Variants in CA10 observed in about 807,000 individuals in gnomAD.
The protein encoded by CA10 is carbonic anhydrase-related protein 10.
In CA10, 14 loss-of-function variants were observed where a neutral mutation model predicts 44.2. That is an observed-to-expected ratio of 0.32 (90% CI 0.21 to 0.50). The LOEUF (loss-of-function observed/expected upper bound fraction) is 0.50, where lower values mean the gene tolerates loss of function less well. CA10 is among the 20% of genes least tolerant of loss of function. CA10 has a pLI of 0.99. For missense variants in CA10, 350 were observed against 409.7 expected (o/e 0.85, Z 1.26); for synonymous variants, 159 against 141.6 (o/e 1.12, Z -0.87).
chr17:51,869,989 C>T (rs1348099053), intron 3 of CA10, among the ~76,000 whole-genome samples: 3 of 152,128 alleles, frequency 2.0e-5, no homozygotes, highest in Admixed American at 6.5e-5. Context: ...AGTGCTTGTC[C>T]GAGTCATCAC....
At chr17:51,706,171 C>T (rs1010946158) in intron 4 of CA10, among the ~76,000 whole-genome samples, 14 of 152,090 alleles carry the variant, frequency 9.2e-5, no homozygotes, top group African/African-American at 1.4e-4. Flanking sequence ...GAAGAAGAAA[C>T]GGAGGATGTA....
intron 2 of CA10, among the ~76,000 whole-genome samples, chr17:51,935,060 C>G (rs1376840166): frequency 6.6e-6 from 1 of 152,064 alleles, no homozygotes; most frequent in African/African-American, 2.4e-5. Context: ...GAAACTTGCC[C>G]TGTGGGTTTG....
chr17:51,885,742 C>G (rs979640649), intron 3 of CA10, among the ~76,000 whole-genome samples: 5 of 152,216 alleles, frequency 3.3e-5, no homozygotes, highest in African/African-American at 9.6e-5. Context: ...CAATGCCTTC[C>G]TTATCTCTTC....
chr17:51,805,029 G>A (rs1774492962), intron 3 of CA10, among the ~76,000 whole-genome samples: 2 of 152,178 alleles, frequency 1.3e-5, no homozygotes, highest in South Asian at 2.1e-4. Context: ...CTGAGTCTGA[G>A]GTCTTTCCAC....
intron 2 of CA10, among the ~76,000 whole-genome samples, chr17:52,036,553 G>C (rs892044819): frequency 4.6e-5 from 7 of 152,090 alleles, no homozygotes; most frequent in African/African-American, 1.7e-4. Flanking sequence ...AAATAGGCAG[G>C]TGAGGGGAGG....
chr17:51,803,142 T>G (rs755885653), intron 3 of CA10, among the ~76,000 whole-genome samples: 6 of 152,220 alleles, frequency 3.9e-5, no homozygotes, highest in Non-Finnish European at 7.3e-5. Context: ...TGGATAGTTT[T>G]CAACTCTCTG....
At chr17:51,835,730 A>G (rs1908452622) in intron 3 of CA10, among the ~76,000 whole-genome samples, 2 of 152,210 alleles carry the variant, frequency 1.3e-5, no homozygotes, top group Admixed American at 6.5e-5. Flanking sequence ...TAAGTACTTT[A>G]TGTGTTTTAT....
chr17:51,731,157 T>A (rs1916700841), intron 4 of CA10, among the ~76,000 whole-genome samples: 7 of 152,078 alleles, frequency 4.6e-5, no homozygotes, highest in Admixed American at 4.6e-4. Flanking sequence ...GGTGGGTAGA[T>A]CATGAGGTCA....
At chr17:51,671,736 T>C (rs573730221) in intron 4 of CA10, among the ~76,000 whole-genome samples, 2 of 152,212 alleles carry the variant, frequency 1.3e-5, no homozygotes, top group Non-Finnish European at 2.9e-5. Flanking sequence ...GGTTTGTCTC[T>C]ACCAGGAATG....
At chr17:52,085,659 T>C (rs938206912) in intron 1 of CA10, among the ~76,000 whole-genome samples, 1 of 152,236 alleles carries the variant, frequency 6.6e-6, no homozygotes, top group Admixed American at 6.5e-5. Context: ...GCATTTATTA[T>C]ATACATTTAC....
chr17:51,709,837 C>T (rs1050491164), intron 4 of CA10, among the ~76,000 whole-genome samples: 4 of 152,150 alleles, frequency 2.6e-5, no homozygotes, highest in African/African-American at 9.7e-5. Context: ...CCACAGTACA[C>T]AGAAGTACAC....
intron 1 of CA10, among the ~76,000 whole-genome samples, chr17:52,076,786 T>C (rs1292956509): frequency 6.6e-6 from 1 of 152,190 alleles, no homozygotes; most frequent in Non-Finnish European, 1.5e-5. Flanking sequence ...CACCAGATCC[T>C]TGGTAGTCAT....
chr17:51,719,265 A>T (rs1410033803), intron 4 of CA10, among the ~76,000 whole-genome samples: 1 of 152,236 alleles, frequency 6.6e-6, no homozygotes, highest in African/African-American at 2.4e-5. Flanking sequence ...AAACTCCCAG[A>T]TGGCTCCTCC....
chr17:51,684,730 G>A (rs1914953812), intron 4 of CA10, among the ~76,000 whole-genome samples: 1 of 152,156 alleles, frequency 6.6e-6, no homozygotes, highest in Non-Finnish European at 1.5e-5. Flanking sequence ...TGTACATCCG[G>A]ATCCACCACC....
At chr17:51,676,852 C>T (rs986269325) in intron 4 of CA10, among the ~76,000 whole-genome samples, 14 of 152,110 alleles carry the variant, frequency 9.2e-5, no homozygotes, top group African/African-American at 3.4e-4. Flanking sequence ...CCAGGGTTAT[C>T]TTAGTAATCC....
chr17:52,107,415 G>C (rs182675173), intron 1 of CA10, among the ~76,000 whole-genome samples: 1 of 152,038 alleles, frequency 6.6e-6, no homozygotes, highest in Non-Finnish European at 1.5e-5. Flanking sequence ...CCCTTTAAAA[G>C]GTTATTTTTT....
chr17:52,005,302 C>T (rs1985560872), intron 2 of CA10, among the ~76,000 whole-genome samples: 2 of 151,910 alleles, frequency 1.3e-5, no homozygotes, highest in Non-Finnish European at 2.9e-5. Context: ...ACTGTTGTGA[C>T]ATTATTGTGA....
At position 51,959,282 on chromosome 17, in the gene CA10, CTGTGTGTGTGTG is replaced by C. The variant is rs71149386; in HGVS notation, c.137-28162_137-28151del. ...TTGTTCTCTCTCTCGCTCTCTCTCT[CTGTGTGTGTGTG>C]TGTGTGTGTGTGTGTGTGTGTGTGT... On this transcript the variant is annotated intron_variant, in intron 2 of 8. Transcript: ENST00000451037. 1.5e-3 allele frequency among the ~76,000 whole-genome samples: 198 copies of C among 134,450 alleles called. 3 individuals are homozygous for C. The highest frequency in any genetic ancestry group is 8.6e-3 in the South Asian group (33 of 3,838). The allele number at this position is 134,450 out of a possible 152,430, so 88.2% of individuals were successfully genotyped here.
chr17:51,914,653 G>T (rs1981922743), intron 3 of CA10, among the ~76,000 whole-genome samples: 1 of 152,176 alleles, frequency 6.6e-6, no homozygotes, highest in Non-Finnish European at 1.5e-5. Flanking sequence ...ATGGCAAAGA[G>T]AAGGAAATTG....
Sources: allele counts gnomAD v4.1 joint callset (sites outside exome capture counted in the v4.1 genomes callset), GRCh38; gene constraint gnomAD v4.1.1; transcripts MANE v1.5; gene names NCBI Gene and HGNC (gene_info 2026-07-23, HGNC 2026-07-21).